Variants in RASEF observed in about 807,000 individuals in gnomAD.
RASEF encodes the protein ras and EF-hand domain-containing protein.
Under a neutral mutation model 90.1 loss-of-function variants are expected in RASEF, and 68 were observed. The ratio of observed to expected loss-of-function variants is 0.75; its 90% CI spans 0.62 to 0.92. RASEF has a LOEUF of 0.92. RASEF is among the 40% of genes least tolerant of loss of function. The probability of loss-of-function intolerance (pLI) is 0.00; values close to 1 mark genes in which losing one functional copy is unlikely to be tolerated. For synonymous variants in RASEF, 331 were observed against 345.2 expected (o/e 0.96, Z 0.46); for missense variants, 949 against 937.2 (o/e 1.01, Z -0.16).
the RASEF span, among the ~76,000 whole-genome samples, chr9:83,158,884 A>G: frequency 2.0e-5 from 3 of 151,944 alleles, no homozygotes; most frequent in Middle Eastern, 0.01. Context: ...TTATGCTTGA[A>G]GCTGATGTTG....
intron 1 of RASEF, chr9:83,048,275 C>A (rs1829968632): frequency 1.0e-6 from 1 of 985,200 alleles, no homozygotes; most frequent in South Asian, 4.7e-5. Context: ...TTCAACCTTG[C>A]AAAAGAAGGC....
the RASEF span, among the ~76,000 whole-genome samples, chr9:83,131,722 C>T: frequency 1.3e-5 from 2 of 152,168 alleles, no homozygotes; most frequent in Non-Finnish European, 2.9e-5. Context: ...ACAGCATTAA[C>T]TCTCTCTGAT....
chr9:82,984,610 C>T (rs1828678717), intron 16 of RASEF, among the ~76,000 whole-genome samples: 1 of 152,126 alleles, frequency 6.6e-6, no homozygotes, highest in South Asian at 2.1e-4. Flanking sequence ...AACAGAGACT[C>T]AGGAGAAGAA....
the RASEF span, among the ~76,000 whole-genome samples, chr9:83,155,251 CCTT>C: frequency 1.3e-5 from 2 of 152,110 alleles, no homozygotes; most frequent in Admixed American, 1.3e-4. Context: ...GCTCTGTGAC[CCTT>C]CTTCTATCTG....
chr9:83,070,366 AT>A, the RASEF span, among the ~76,000 whole-genome samples: 1 of 152,040 alleles, frequency 6.6e-6, no homozygotes, highest in Non-Finnish European at 1.5e-5. Context: ...TTCCAGTGTT[AT>A]TTTTTTAAAA....
At chr9:83,120,180 G>A in the RASEF span, among the ~76,000 whole-genome samples, 1 of 152,196 alleles carries the variant, frequency 6.6e-6, no homozygotes, top group African/African-American at 2.4e-5. Flanking sequence ...CAGTCAGAGA[G>A]GAAGATGGAA....
At chr9:83,030,541 G>A (rs143476706) in intron 1 of RASEF, among the ~76,000 whole-genome samples, 1 of 152,188 alleles carries the variant, frequency 6.6e-6, no homozygotes, top group African/African-American at 2.4e-5. Flanking sequence ...TCATTACAGA[G>A]AATTTCAAAA....
the RASEF span, among the ~76,000 whole-genome samples, chr9:83,161,252 C>A: frequency 2.0e-5 from 3 of 152,166 alleles, no homozygotes; most frequent in Non-Finnish European, 4.4e-5. Flanking sequence ...ATGAAAGCAG[C>A]CTGGAGTGGG....
the RASEF span, among the ~76,000 whole-genome samples, chr9:83,092,238 T>A: frequency 6.6e-6 from 1 of 152,154 alleles, no homozygotes; most frequent in East Asian, 1.9e-4. Context: ...ACCAATTATG[T>A]CCCTCCAAAT....
At chr9:83,147,375 C>T in the RASEF span, among the ~76,000 whole-genome samples, 2 of 152,036 alleles carry the variant, frequency 1.3e-5, no homozygotes, top group African/African-American at 2.4e-5. Context: ...AGAAGGTCGG[C>T]GCATATTAAA....
At chr9:83,216,823 C>A in the RASEF span, among the ~76,000 whole-genome samples, 4 of 151,970 alleles carry the variant, frequency 2.6e-5, no homozygotes, top group African/African-American at 9.7e-5. Context: ...CTGGCCAAAA[C>A]AAAGGGGCTA....
In RASEF at chr9:83,053,347, T is replaced by A. The variant is rs968517443; in HGVS notation, c.431+9090A>T. 5.4e-5 allele frequency among the ~76,000 whole-genome samples: 4 copies of A among 73,766 alleles called. 1 individual carries two copies. Among genetic ancestry groups the A allele is most frequent in the African/African-American group, 1.9e-4 (2 of 10,402 alleles). 48.4% of individuals were successfully genotyped at this position (73,766 alleles called of 152,430 possible). A position where few individuals can be genotyped will look rare whatever the true frequency, so the allele number is the denominator to read the frequency against. On this transcript the variant is annotated intron_variant, in intron 1 of 16. Coordinates refer to ENST00000376447, the MANE Select transcript of RASEF (RefSeq NM_152573.4). ...CTTTGTTGGTTTAAAGTCTGTTTTA[T>A]CAGAGACTAGGATTGCAACCCCTGC...
chr9:83,155,028 T>A, the RASEF span, among the ~76,000 whole-genome samples: 2 of 152,258 alleles, frequency 1.3e-5, no homozygotes, highest in African/African-American at 4.8e-5. Flanking sequence ...CCACCTCTTG[T>A]GGGTTAGTAA....
the RASEF span, among the ~76,000 whole-genome samples, chr9:83,100,451 C>T: frequency 6.6e-6 from 1 of 152,172 alleles, no homozygotes; most frequent in African/African-American, 2.4e-5. Context: ...ACAAAAGTTA[C>T]ATGGTGATCA....
At chr9:83,049,119 G>A (rs1285269156) in intron 1 of RASEF, 9 of 173,264 alleles carry the variant, frequency 5.2e-5, no homozygotes, top group African/African-American at 7.9e-5. Flanking sequence ...GTGAGACTCC[G>A]TCTCCAAAAA....
the RASEF span, among the ~76,000 whole-genome samples, chr9:83,199,445 T>C: frequency 1.3e-5 from 2 of 152,066 alleles, no homozygotes. Flanking sequence ...GACAGCATCA[T>C]CCACTAGAGG....
upstream of RASEF, among the ~76,000 whole-genome samples, chr9:83,068,043 A>AT (rs958213782): frequency 1.3e-5 from 2 of 151,896 alleles, no homozygotes; most frequent in Admixed American, 6.6e-5. Flanking sequence ...CTCCCAGTTA[A>AT]TTTTTTTTGT....
At chr9:83,092,010 T>TTC in the RASEF span, among the ~76,000 whole-genome samples, 2 of 126,874 alleles carry the variant, frequency 1.6e-5, no homozygotes, top group Non-Finnish European at 1.6e-5. Flanking sequence ...TTTCTTTTTT[T>TTC]TTTTTTTTTT....
intron 7 of RASEF, among the ~76,000 whole-genome samples, chr9:83,006,066 C>T (rs1313386118): frequency 6.6e-6 from 1 of 152,194 alleles, no homozygotes; most frequent in Non-Finnish European, 1.5e-5. Flanking sequence ...CTTCAGCGCC[C>T]TCTTGTACAG....
Sources: gnomAD v4.1 joint callset for allele counts (sites outside exome capture counted in the v4.1 genomes callset) on GRCh38, gnomAD v4.1.1 for gene constraint, MANE v1.5 for transcripts, NCBI Gene and HGNC (gene_info 2026-07-23, HGNC 2026-07-21) for gene names.